The following KIF26B variants were observed in gnomAD, a reference collection of about 807,000 sequenced individuals.
KIF26B encodes the protein kinesin-like protein KIF26B.
KIF26B carries 63 observed loss-of-function variants against 151.2 expected under a neutral mutation model. The ratio of observed to expected loss-of-function variants is 0.42; its 90% CI spans 0.34 to 0.51. The LOEUF is 0.51. Ranked by LOEUF, KIF26B falls within the 20% of genes least tolerant of loss-of-function variation. KIF26B has a pLI of 0.07. For missense variants in KIF26B, 2,813 were observed against 2,913.6 expected, an observed-to-expected ratio of 0.97 and a Z score of 0.79; for synonymous variants, 1,357 against 1,262.1, an observed-to-expected ratio of 1.08 and a Z score of -1.59.
intron 2 of KIF26B, among the ~76,000 whole-genome samples, chr1:245,287,428 T>G (rs762482937): frequency 6.6e-6 from 1 of 152,020 alleles, no homozygotes; most frequent in Non-Finnish European, 1.5e-5. Context: ...TCTTCCAAAT[T>G]ATTGGTCGGA....
chr1:245,604,734 G>A (rs6683115), intron 6 of KIF26B, among the ~76,000 whole-genome samples: 27,844 of 152,210 alleles, frequency 0.18, 3,541 homozygotes, highest in African/African-American at 0.32. Context: ...GCAGAGCTCA[G>A]TATGCTCAAT....
At chr1:245,192,658 C>T (rs979290156) in intron 2 of KIF26B, among the ~76,000 whole-genome samples, 1 of 152,118 alleles carries the variant, frequency 6.6e-6, no homozygotes, top group Non-Finnish European at 1.5e-5. Context: ...ATTTTAGGGG[C>T]CTCCAGAGCC....
At chr1:245,180,074 C>T (rs548195872) in intron 2 of KIF26B, among the ~76,000 whole-genome samples, 2 of 152,294 alleles carry the variant, frequency 1.3e-5, no homozygotes, top group South Asian at 2.1e-4. Flanking sequence ...AAGGGAATTT[C>T]GAAGCAAGAT....
chr1:245,574,790 T>C (rs574003362), intron 5 of KIF26B, among the ~76,000 whole-genome samples: 35 of 152,220 alleles, frequency 2.3e-4, no homozygotes, highest in African/African-American at 8.2e-4. Flanking sequence ...ATCTTCCTTT[T>C]CAAAGAATGG....
At chr1:245,586,002 T>A (rs1299356111) in intron 5 of KIF26B, among the ~76,000 whole-genome samples, 2 of 151,940 alleles carry the variant, frequency 1.3e-5, no homozygotes, top group African/African-American at 4.9e-5. Flanking sequence ...TTTAGTTTTT[T>A]AATGTTTTTA....
intron 4 of KIF26B, among the ~76,000 whole-genome samples, chr1:245,459,414 A>G (rs897753776): frequency 6.6e-6 from 1 of 151,950 alleles, no homozygotes; most frequent in African/African-American, 2.4e-5. Flanking sequence ...GTTTTTTGGA[A>G]TCTTTCTAAC....
intron 4 of KIF26B, among the ~76,000 whole-genome samples, chr1:245,458,027 G>A (rs535255099): frequency 8.5e-5 from 13 of 152,134 alleles, no homozygotes; most frequent in South Asian, 4.1e-4. Flanking sequence ...GACATTTTAC[G>A]TAAATGATGC....
intron 3 of KIF26B, among the ~76,000 whole-genome samples, chr1:245,403,847 C>T (rs1025133238): frequency 1.3e-5 from 2 of 152,190 alleles, no homozygotes; most frequent in Non-Finnish European, 1.5e-5. Flanking sequence ...AGATTGATTT[C>T]CTGCCCTCAT....
At chr1:245,230,047 C>A (rs922470528) in intron 2 of KIF26B, among the ~76,000 whole-genome samples, 2 of 151,934 alleles carry the variant, frequency 1.3e-5, no homozygotes, top group Non-Finnish European at 2.9e-5. Context: ...GCAGGAGAAT[C>A]GCTTGAACCC....
intron 2 of KIF26B, among the ~76,000 whole-genome samples, chr1:245,165,202 C>A (rs1573682266): frequency 6.6e-6 from 1 of 151,336 alleles, no homozygotes. Context: ...TAGGGTAGTA[C>A]AGAGGGAAGG....
chr1:245,629,298 A>T (rs562786172), intron 9 of KIF26B, among the ~76,000 whole-genome samples: 1 of 152,310 alleles, frequency 6.6e-6, no homozygotes, highest in South Asian at 2.1e-4. Flanking sequence ...GACAATCCTA[A>T]TCAAAAAGAA....
chr1:245,212,175 G>A (rs1669549439), intron 2 of KIF26B, among the ~76,000 whole-genome samples: 1 of 152,144 alleles, frequency 6.6e-6, no homozygotes, highest in Admixed American at 6.5e-5. Context: ...GTAATTTTAC[G>A]GTTGGGGTCT....
At chr1:245,243,447 T>C (rs12045154) in intron 2 of KIF26B, among the ~76,000 whole-genome samples, 123,912 of 147,268 alleles carry the variant, frequency 0.84, 52,306 homozygotes, top group South Asian at 0.87. Flanking sequence ...TATATATATA[T>C]ACACACACAC....
intron 2 of KIF26B, among the ~76,000 whole-genome samples, chr1:245,324,772 G>A (rs894906562): frequency 1.3e-5 from 2 of 151,986 alleles, no homozygotes; most frequent in African/African-American, 4.8e-5. Flanking sequence ...TTGTTAACAC[G>A]GCAGGACAAC....
rs1048692892 is a variant in KIF26B at position 245,684,247 on chromosome 1, C to T, written c.2273C>T (p.Ala758Val). Residue 758 changes from alanine (A) to valine (V), a missense_variant, in exon 11 of 15, where the codon GCC (alanine) becomes GTC (valine). Physicochemically the swap from Ala to Val is moderately conservative, Grantham distance 64. This residue lies in a region of KIF26B where 2,060 missense variants were observed against 2,088.6 expected (regional missense o/e 0.99). Transcript: ENST00000407071. ...KHIPYKESKL[A>V]MLLRESLGNM... The stretch of plus-strand genomic sequence containing the variant: ...TTGTTTGGCAGAGAGAGCAAGCTCG[C>T]CATGTTGCTGCGGGAGTCTCTGGGG... The T allele has an allele frequency of 1.2e-6, 2 of 1,613,208 alleles. No homozygotes were observed. Among genetic ancestry groups the T allele is most frequent in the African/African-American group, 1.3e-5 (1 of 74,930 alleles).
chr1:245,465,488 C>A (rs1443530776), intron 4 of KIF26B, among the ~76,000 whole-genome samples: 1 of 152,132 alleles, frequency 6.6e-6, no homozygotes, highest in Non-Finnish European at 1.5e-5. Context: ...TAGAGAGATT[C>A]TATCGACCAA....
chr1:245,366,713 C>T, intron 2 of KIF26B, 121 bp from the exon 3 acceptor site: 2 of 894,004 alleles, frequency 2.2e-6, no homozygotes, highest in East Asian at 2.7e-5. Flanking sequence ...TGTGGAATGC[C>T]AATCAAACTA....
chr1:245,513,828 CTGAGCTAAT>C (rs2103085573), intron 4 of KIF26B, among the ~76,000 whole-genome samples: 1 of 152,342 alleles, frequency 6.6e-6, no homozygotes, highest in East Asian at 1.9e-4. Flanking sequence ...TGCCCTTTGT[CTGAGCTAAT>C]TGGCCTTAGT....
intron 12 of KIF26B, among the ~76,000 whole-genome samples, chr1:245,695,775 ACGGTGCCCTGG>A (rs2044685242): frequency 3.3e-5 from 5 of 150,880 alleles, no homozygotes; most frequent in East Asian, 3.9e-4. Flanking sequence ...CCCAGCTCAC[ACGGTGCCCTGG>A]CACGGGTATT....
Sources: allele counts gnomAD v4.1 joint callset (sites outside exome capture counted in the v4.1 genomes callset), GRCh38; gene constraint gnomAD v4.1.1; regional missense constraint gnomAD v4.1.1; transcripts MANE v1.5; gene names NCBI Gene and HGNC (gene_info 2026-07-23, HGNC 2026-07-21).